HTR1D: variants seen among roughly 807,000 people sequenced by gnomAD.
The protein encoded by HTR1D is 5-HT-1D.
Under a neutral mutation model 21.1 loss-of-function variants are expected in HTR1D, and 18 were observed. That is an observed-to-expected ratio of 0.85 (90% CI 0.59 to 1.27). The LOEUF (loss-of-function observed/expected upper bound fraction) is 1.27, where lower values mean the gene tolerates loss of function less well. HTR1D is among the 50% of genes most tolerant of loss of function. The probability of loss-of-function intolerance (pLI) is 0.00; values close to 1 mark genes in which losing one functional copy is unlikely to be tolerated. For missense variants in HTR1D, 456 were observed against 481.4 expected, an observed-to-expected ratio of 0.95 and a Z score of 0.49; for synonymous variants, 196 against 204.4, an observed-to-expected ratio of 0.96 and a Z score of 0.35.
chr1:23,211,092 G>C (rs925625822), intron 1 of HTR1D, among the ~76,000 whole-genome samples: 2 of 152,218 alleles, frequency 1.3e-5, no homozygotes, highest in African/African-American at 2.4e-5. Context: ...GTGATTCAGA[G>C]CACAAGCTTT....
chr1:23,195,680 G>A (rs750821992), intron 1 of HTR1D, among the ~76,000 whole-genome samples: 3 of 152,080 alleles, frequency 2.0e-5, no homozygotes, highest in African/African-American at 4.8e-5. Flanking sequence ...CTCATGATCC[G>A]CTGCCTCGGC....
In HTR1D at chr1:23,193,836, A is replaced by T. The variant is rs1444136037; in HGVS notation, c.384T>A (p.His128Gln). Residue 128 changes from histidine (H) to glutamine (Q), a missense_variant, in exon 2 of 2, where the codon CAT (histidine) becomes CAA (glutamine). His to Gln is a conservative substitution (Grantham distance 24, BLOSUM62 0). Coordinates refer to ENST00000374619, the MANE Select transcript of HTR1D (RefSeq NM_000864.5). ...ACCTGTCCAGAGCAATGACACAGAG[A>T]TGCAGGATGGAGGCTGTGCAGCACG... ...DITCCTASIL[H>Q]LCVIALDRYW... The T allele has an allele frequency of 1.5e-5, 24 of 1,614,124 alleles. No individual in the cohort carries two copies. Among genetic ancestry groups the T allele is most frequent in the Non-Finnish European group, 1.9e-5 (23 of 1,180,042 alleles).
intron 1 of HTR1D, among the ~76,000 whole-genome samples, chr1:23,202,653 T>C (rs1644714657): frequency 6.6e-6 from 1 of 152,214 alleles, no homozygotes; most frequent in African/African-American, 2.4e-5. Flanking sequence ...CCCCACACAG[T>C]AATTTGTGGC....
chr1:23,199,464 T>A (rs1644702051), intron 1 of HTR1D, among the ~76,000 whole-genome samples: 1 of 113,246 alleles, frequency 8.8e-6, no homozygotes. Context: ...AGAGAGAGGG[T>A]CTTGCTCTGT....
intron 1 of HTR1D, among the ~76,000 whole-genome samples, chr1:23,203,074 A>G (rs1644716143): frequency 6.6e-6 from 1 of 151,710 alleles, no homozygotes; most frequent in Admixed American, 6.6e-5. Context: ...TAATTTTTTT[A>G]TTTTTAGTAG....
intron 1 of HTR1D, among the ~76,000 whole-genome samples, chr1:23,213,262 A>G (rs1569769084): frequency 6.6e-6 from 1 of 151,986 alleles, no homozygotes; most frequent in South Asian, 2.1e-4. Flanking sequence ...AGGCTGGCGG[A>G]TCATGAGGTC....
rs553090648 is a variant in HTR1D at position 23,203,939 on chromosome 1, G to A, written c.-782-8938C>T. The stretch of plus-strand genomic sequence containing the variant: ...GCAGAAGGACTGCTTGAGGTTAGGA[G>A]TTTGAGATCAGCCTGGGCAATACAG... On this transcript the variant is annotated intron_variant, in intron 1 of 1. Coordinates refer to ENST00000374619, the MANE Select transcript of HTR1D (RefSeq NM_000864.5). Among the ~76,000 whole-genome samples, 6 of 152,172 alleles carry A rather than the reference G, an allele frequency of 3.9e-5. 1 individual carries two copies. The South Asian group carries it at 1.2e-3, about 32-fold the overall frequency.
chr1:23,204,377 G>A (rs1421249562), intron 1 of HTR1D, among the ~76,000 whole-genome samples: 7 of 152,174 alleles, frequency 4.6e-5, no homozygotes, highest in Admixed American at 6.5e-5. Context: ...CACCCGCCTC[G>A]GCCTCCCAAA....
intron 1 of HTR1D, among the ~76,000 whole-genome samples, chr1:23,216,972 C>A (rs1324739795): frequency 1.3e-5 from 2 of 152,032 alleles, no homozygotes; most frequent in Non-Finnish European, 2.9e-5. Flanking sequence ...TCGCGGTCCC[C>A]GGCCCGGGGG....
At position 23,194,081 on chromosome 1, in the gene HTR1D, C is replaced by T. The variant is rs780246153; in HGVS notation, c.139G>A (p.Val47Ile). 9.3e-6 allele frequency: 15 copies of T among 1,613,982 alleles called. No individual in the cohort carries two copies. The highest frequency in any genetic ancestry group is 5.5e-5 in the South Asian group (5 of 91,076). Residue 47 changes from valine to isoleucine, a missense_variant, in exon 2 of 2, where the codon GTC becomes ATC. By Grantham distance (29) the Val-to-Ile change is conservative. Coordinates refer to ENST00000374619, the MANE Select transcript of HTR1D (RefSeq NM_000864.5). ...LKISLAVVLS[V>I]ITLATVLSNA... is the part of the protein sequence containing the mutation. Reference sequence around the variant, plus strand: ...GAGAGGACTGTGGCCAGTGTGATGACGGAAAGGACCACGGCAAGGGAGATC... The same window carrying T: ...GAGAGGACTGTGGCCAGTGTGATGATGGAAAGGACCACGGCAAGGGAGATC...
At chr1:23,198,101 A>G (rs1208700787) in intron 1 of HTR1D, among the ~76,000 whole-genome samples, 1 of 149,702 alleles carries the variant, frequency 6.7e-6, no homozygotes, top group Non-Finnish European at 1.5e-5. Flanking sequence ...GCCGGGCGCA[A>G]TGGCTCACGC....
intron 1 of HTR1D, among the ~76,000 whole-genome samples, chr1:23,208,229 G>A (rs1306346239): frequency 6.6e-6 from 1 of 152,178 alleles, no homozygotes; most frequent in African/African-American, 2.4e-5. Context: ...AGGAGTTCAA[G>A]ACCAGCCTGG....
chr1:23,208,678 T>TG (rs892479724), intron 1 of HTR1D, among the ~76,000 whole-genome samples: 1 of 151,936 alleles, frequency 6.6e-6, no homozygotes, highest in African/African-American at 2.4e-5. Flanking sequence ...CATTACTAAC[T>TG]GGGGGTGGGG....
chr1:23,195,057 G>A (rs1644682739), intron 1 of HTR1D, among the ~76,000 whole-genome samples, 56 bp from the exon 2 acceptor site: 1 of 152,156 alleles, frequency 6.6e-6, no homozygotes, highest in South Asian at 2.1e-4. Context: ...CAATGTGGAA[G>A]CCTGAAATGA....
At chr1:23,215,410 C>T (rs914123457) in intron 1 of HTR1D, among the ~76,000 whole-genome samples, 1 of 152,196 alleles carries the variant, frequency 6.6e-6, no homozygotes, top group Non-Finnish European at 1.5e-5. Flanking sequence ...GAGCACCACC[C>T]TGTCTCAAAA....
chr1:23,193,853 T>C lies in HTR1D; in HGVS notation c.367A>G (p.Thr123Ala). The C allele has an allele frequency of 2.5e-6, 4 of 1,614,192 alleles. No individual in the cohort carries two copies. In the East Asian group the frequency reaches 8.9e-5, roughly 36 times the overall value. The change falls in exon 2 of 2, where the codon ACA becomes GCA. Residue 123 changes from threonine to alanine, a missense_variant. Thr to Ala is a moderately conservative substitution (Grantham distance 58). Coordinates refer to ENST00000374619, the MANE Select transcript of HTR1D (RefSeq NM_000864.5). ...ACACAGAGATGCAGGATGGAGGCTG[T>C]GCAGCACGTGATGTCAGAGGACAGC... ...IWLSSDITCC[T>A]ASILHLCVIA...
chr1:23,216,860 T>G (rs1644775345), intron 1 of HTR1D, among the ~76,000 whole-genome samples: 1 of 151,884 alleles, frequency 6.6e-6, no homozygotes, highest in Non-Finnish European at 1.5e-5. Flanking sequence ...CCCCTTCAAC[T>G]CTCTCCAGAG....
Position 23,192,986 on chromosome 1 carries a change from A to G in HTR1D, c.*100T>C. The G allele has an allele frequency of 1.4e-6, 1 of 733,256 alleles. No individual in the cohort carries two copies. The highest frequency in any genetic ancestry group is 2.3e-5 in the South Asian group (1 of 42,846). The allele number at this position is 733,256 out of a possible 1,614,324, so 45.4% of individuals were successfully genotyped here. A position where few individuals can be genotyped will look rare whatever the true frequency, so the allele number is the denominator to read the frequency against. ...TGATTGAACCAAGACTCAAGATACC[A>G]TGAATTAATCCAAGTCTCAGAAAAT... is the stretch of plus-strand genomic sequence containing the variant. On this transcript the variant is annotated 3_prime_UTR_variant, in exon 2 of 2. Transcript: ENST00000374619.
intron 1 of HTR1D, among the ~76,000 whole-genome samples, chr1:23,206,352 A>C (rs948865841): frequency 6.6e-5 from 10 of 152,130 alleles, no homozygotes; most frequent in African/African-American, 2.4e-4. Flanking sequence ...TTCAACTAAC[A>C]GTCTGACCAG....
Sources: gnomAD v4.1 joint callset for allele counts (sites outside exome capture counted in the v4.1 genomes callset) on GRCh38, gnomAD v4.1.1 for gene constraint, MANE v1.5 for transcripts, NCBI Gene and HGNC (gene_info 2026-07-23, HGNC 2026-07-21) for gene names.